Variants in TEKT3 observed in about 807,000 individuals in gnomAD.
TEKT3 encodes the protein tektin 3.
Under a neutral mutation model 49.8 loss-of-function variants are expected in TEKT3, and 49 were observed. The observed-to-expected ratio is 0.98, with a 90% CI of 0.78 to 1.25. The LOEUF is 1.25. Ranked by LOEUF, TEKT3 falls within the 50% of genes most tolerant of loss-of-function variation. The pLI, the probability that TEKT3 is intolerant of heterozygous loss-of-function variation, is 0.00. For missense variants in TEKT3, 595 were observed against 629.5 expected (o/e 0.95, Z 0.59); for synonymous variants, 225 against 237.2 (o/e 0.95, Z 0.47).
chr17:15,334,014 C>G (rs532013339), intron 2 of TEKT3, among the ~76,000 whole-genome samples: 22 of 151,966 alleles, frequency 1.4e-4, no homozygotes, highest in Non-Finnish European at 2.6e-4. Flanking sequence ...CCACCCACCT[C>G]GGCCTCTCAA....
intron 2 of TEKT3, among the ~76,000 whole-genome samples, chr17:15,333,782 CAG>C (rs1213774747): frequency 3.1e-5 from 4 of 127,778 alleles, no homozygotes; most frequent in African/African-American, 1.1e-4. Context: ...ATTTTTTAGA[CAG>C]AGTCTCGCTC....
rs536450064 is a variant in TEKT3, at chr17:15,324,519, A to T, written c.663+3473T>A. ...GGTCATTCATGCTTAAGCATTTTCC[A>T]AAGGATTTGCCTCATTTTACACTCC... On this transcript the variant is annotated intron_variant, in intron 4 of 8. Transcript: ENST00000395930. 2.0e-5 allele frequency among the ~76,000 whole-genome samples: 3 copies of T among 152,306 alleles called. No individual in the cohort carries two copies. The South Asian group carries it at 6.2e-4, about 32-fold the overall frequency.
At chr17:15,328,940 T>A (rs1328353502) in intron 3 of TEKT3, among the ~76,000 whole-genome samples, 1 of 152,180 alleles carries the variant, frequency 6.6e-6, no homozygotes, top group Non-Finnish European at 1.5e-5. Flanking sequence ...AGATATACTA[T>A]CACTGAACAA....
chr17:15,336,572 A>G (rs1447740138), intron 2 of TEKT3, among the ~76,000 whole-genome samples: 1 of 151,842 alleles, frequency 6.6e-6, no homozygotes, highest in African/African-American at 2.4e-5. Context: ...AAAAAAAAAA[A>G]TCTTTCTAAC....
intron 4 of TEKT3, among the ~76,000 whole-genome samples, chr17:15,319,549 A>G (rs1233042537): frequency 6.6e-6 from 1 of 152,230 alleles, no homozygotes; most frequent in Non-Finnish European, 1.5e-5. Flanking sequence ...TCAGGGAGGA[A>G]AAAAGCACAA....
At chr17:15,313,510 T>G (rs1225548715) in intron 6 of TEKT3, among the ~76,000 whole-genome samples, 1 of 149,264 alleles carries the variant, frequency 6.7e-6, no homozygotes, top group African/African-American at 2.5e-5. Context: ...TGTGTTTTTC[T>G]TTTTTTTTTC....
At chr17:15,328,194 C>CT (rs1911570094) in intron 3 of TEKT3, 119 bp from the exon 4 acceptor site, 31 of 804,836 alleles carry the variant, frequency 3.9e-5, no homozygotes, top group Middle Eastern at 5.0e-4. Flanking sequence ...TTTTCCAGCC[C>CT]TTTTGTGAAA....
At chr17:15,337,771 G>A (rs1392099121) in intron 2 of TEKT3, among the ~76,000 whole-genome samples, 1 of 152,148 alleles carries the variant, frequency 6.6e-6, no homozygotes, top group Non-Finnish European at 1.5e-5. Flanking sequence ...AACCTGGGAG[G>A]CGGAGGTTGC....
At chr17:15,338,534 C>T (rs932705610) in intron 2 of TEKT3, 6 of 148,892 alleles carry the variant, frequency 4.0e-5, no homozygotes, top group Admixed American at 6.7e-5. Context: ...GATGGAGTCT[C>T]GCTCTGTCCC....
chr17:15,312,034 C>A (rs1053128601), intron 7 of TEKT3, among the ~76,000 whole-genome samples: 1 of 152,136 alleles, frequency 6.6e-6, no homozygotes, highest in South Asian at 2.1e-4. Flanking sequence ...TTACATAGTG[C>A]CTTCTTTGTG....
chr17:15,323,980 T>C (rs1437428203), intron 4 of TEKT3, among the ~76,000 whole-genome samples: 2 of 152,194 alleles, frequency 1.3e-5, no homozygotes, highest in Admixed American at 6.5e-5. Context: ...AGTGTGCAGT[T>C]TGATGGTTTT....
rs375651062 is a variant in TEKT3 at position 15,338,718 on chromosome 17, G to A, written c.-30+1310C>T. On this transcript the variant is annotated intron_variant, in intron 2 of 8. Transcript: ENST00000395930. ...TTTTTTAGTAGAGACGGGTTTCACC[G>A]TGTTAGCTAGGATGGTCTCGATCTC... Among the ~76,000 whole-genome samples the A allele has an allele frequency of 6.2e-4, 82 of 132,694 alleles. 1 individual carries two copies. The highest frequency in any genetic ancestry group is 4.6e-3 in the Middle Eastern group (1 of 218). The allele number at this position is 132,694 out of a possible 152,430, so 87.1% of individuals were successfully genotyped here.
rs747176181 is a variant in TEKT3 at position 15,312,478 on chromosome 17, G to A, written c.882C>T (p.Val294=). 3.1e-6 allele frequency: 5 copies of A among 1,613,996 alleles called. No homozygotes were observed. The highest frequency in any genetic ancestry group is 1.7e-5 in the Admixed American group (1 of 60,012). ...ATTTGGCCCAGGACTCAGGCACTGA[G>A]ACACTGAAAAAGAGAAGCAGAAGCA... ...FRGVERVDAT[V]SVPESWAKFT... is the part of the protein sequence containing the mutation. Residue 294 remains valine (V), a synonymous_variant, in exon 7 of 9, where the codon GTC becomes GTT. Coordinates refer to ENST00000395930, the MANE Select transcript of TEKT3 (RefSeq NM_031898.3).
intron 4 of TEKT3, among the ~76,000 whole-genome samples, chr17:15,319,424 T>C (rs1218502717): frequency 1.3e-5 from 2 of 151,836 alleles, no homozygotes. Context: ...TTTTTCTCTC[T>C]TTTTATCCCT....
chr17:15,315,174 G>T (rs1204056483), intron 5 of TEKT3, among the ~76,000 whole-genome samples: 2 of 152,178 alleles, frequency 1.3e-5, no homozygotes, highest in Non-Finnish European at 2.9e-5. Flanking sequence ...AATTTGTGTG[G>T]TTCGAAGAAC....
rs757835201 is a variant in TEKT3, at chr17:15,312,455, T to G, written c.905A>C (p.Lys302Thr). The change falls in exon 7 of 9, where the codon AAA (lysine) becomes ACA (threonine). Residue 302 changes from lysine to threonine, a missense_variant. Coordinates refer to ENST00000395930, the MANE Select transcript of TEKT3 (RefSeq NM_031898.3). ...GCGGAGAATATTGTCATCTGTAAAT[T>G]TGGCCCAGGACTCAGGCACTGAGAC... ...ATVSVPESWAKFTDDNILRSQ... is the reference protein window; with the variant it reads ...ATVSVPESWATFTDDNILRSQ... 3 of 1,613,908 alleles carry G rather than the reference T, an allele frequency of 1.9e-6. No homozygotes were observed. The highest frequency in any genetic ancestry group is 1.3e-5 in the African/African-American group (1 of 74,856).
intron 4 of TEKT3, among the ~76,000 whole-genome samples, chr17:15,320,108 C>A (rs1487811639): frequency 6.6e-6 from 1 of 152,144 alleles, no homozygotes; most frequent in East Asian, 1.9e-4. Flanking sequence ...CAAATGAACA[C>A]GTGTTTTCTT....
At chr17:15,310,507 A>C (rs1244436921) in intron 7 of TEKT3, among the ~76,000 whole-genome samples, 1 of 152,182 alleles carries the variant, frequency 6.6e-6, no homozygotes, top group Non-Finnish European at 1.5e-5. Context: ...ACACAGACAC[A>C]CACAGAGGGA....
intron 4 of TEKT3, among the ~76,000 whole-genome samples, chr17:15,320,639 G>A (rs1314738402): frequency 1.3e-5 from 2 of 152,036 alleles, no homozygotes; most frequent in Non-Finnish European, 2.9e-5. Context: ...CTACTGTCTG[G>A]TTGTTTGGTA....
Sources: allele counts gnomAD v4.1 joint callset (sites outside exome capture counted in the v4.1 genomes callset), GRCh38; gene constraint gnomAD v4.1.1; transcripts MANE v1.5; gene names NCBI Gene and HGNC (gene_info 2026-07-23, HGNC 2026-07-21).